CNTNAP2: variants seen among roughly 807,000 people sequenced by gnomAD.
CNTNAP2 encodes contactin associated protein 2.
A neutral mutation model predicts 155.2 loss-of-function variants in CNTNAP2; 98 were observed. The ratio of observed to expected loss-of-function variants is 0.63; its 90% CI spans 0.54 to 0.75. The LOEUF (loss-of-function observed/expected upper bound fraction) is 0.75. CNTNAP2 is among the 30% of genes least tolerant of loss of function. The pLI, the probability that CNTNAP2 is intolerant of heterozygous loss-of-function variation, is 0.00. For synonymous variants in CNTNAP2, 651 were observed against 631.2 expected, an observed-to-expected ratio of 1.03 and a Z score of -0.47; for missense variants, 1,727 against 1,688.1, an observed-to-expected ratio of 1.02 and a Z score of -0.40.
At chr7:146,213,494 T>G (rs1184191950) in intron 1 of CNTNAP2, among the ~76,000 whole-genome samples, 2 of 152,230 alleles carry the variant, frequency 1.3e-5, no homozygotes, top group Admixed American at 6.5e-5. Context: ...CAGATTCCTT[T>G]TAACTACTTT....
intron 3 of CNTNAP2, among the ~76,000 whole-genome samples, chr7:147,021,339 C>T (rs1321049834): frequency 1.3e-5 from 2 of 152,114 alleles, no homozygotes; most frequent in East Asian, 3.9e-4. Flanking sequence ...CTCAGCATCC[C>T]ACATACTCCC....
intron 22 of CNTNAP2, among the ~76,000 whole-genome samples, chr7:148,401,340 A>C (rs1207416862): frequency 6.6e-6 from 1 of 152,196 alleles, no homozygotes; most frequent in Non-Finnish European, 1.5e-5. Flanking sequence ...CCTTAACTGT[A>C]GAGAGGTTGT....
chr7:147,932,191 T>C (rs936324634), intron 14 of CNTNAP2, among the ~76,000 whole-genome samples: 2 of 152,118 alleles, frequency 1.3e-5, no homozygotes, highest in East Asian at 1.9e-4. Context: ...CGCCCCAGCA[T>C]TTTTTACAGA....
chr7:148,408,186 A>T (rs1799747855), intron 22 of CNTNAP2, among the ~76,000 whole-genome samples: 1 of 152,186 alleles, frequency 6.6e-6, no homozygotes, highest in African/African-American at 2.4e-5. Context: ...CAGCAGTTGC[A>T]GCAAGCCAAG....
chr7:146,484,800 A>G (rs1413991890), intron 1 of CNTNAP2, among the ~76,000 whole-genome samples: 1 of 152,168 alleles, frequency 6.6e-6, no homozygotes, highest in African/African-American at 2.4e-5. Context: ...ACCCCTTGCT[A>G]AAGATTCTTC....
chr7:147,769,512 A>C (rs767619477), intron 13 of CNTNAP2, among the ~76,000 whole-genome samples: 4 of 152,202 alleles, frequency 2.6e-5, no homozygotes, highest in Non-Finnish European at 4.4e-5. Flanking sequence ...AAAAGGTGTT[A>C]TTCACAATAG....
At chr7:147,598,886 G>A (rs1324938064) in intron 12 of CNTNAP2, among the ~76,000 whole-genome samples, 1 of 152,038 alleles carries the variant, frequency 6.6e-6, no homozygotes, top group Non-Finnish European at 1.5e-5. Context: ...GCTCCCTCCT[G>A]CCACCATGTG....
intron 1 of CNTNAP2, among the ~76,000 whole-genome samples, chr7:146,711,706 CA>C (rs1563198760): frequency 6.9e-6 from 1 of 145,604 alleles, no homozygotes; most frequent in African/African-American, 2.5e-5. Flanking sequence ...CTTATGTATA[CA>C]TATATAGTAT....
intron 4 of CNTNAP2, among the ~76,000 whole-genome samples, chr7:147,057,540 G>A (rs1032754863): frequency 3.6e-4 from 55 of 152,056 alleles, no homozygotes; most frequent in African/African-American, 1.2e-3. Context: ...ATAATTCTTG[G>A]CTTTGGAGGA....
chr7:146,371,095 A>G lies in CNTNAP2; in HGVS notation c.97+254122A>G, dbSNP rs181230170. ...ATTTTTTTCTCCTCTTCAATTTTCT[A>G]TATAGCTAATCATACCATAATTATC... On this transcript the variant is annotated intron_variant, in intron 1 of 23. Transcript: ENST00000361727. 1.9e-3 allele frequency among the ~76,000 whole-genome samples: 287 copies of G among 152,104 alleles called. 1 individual carries two copies. Among genetic ancestry groups the G allele is most frequent in the African/African-American group, 6.5e-3 (268 of 41,542 alleles).
chr7:147,157,815 C>G (rs923641582), intron 8 of CNTNAP2, among the ~76,000 whole-genome samples: 1 of 151,838 alleles, frequency 6.6e-6, no homozygotes, highest in Non-Finnish European at 1.5e-5. Context: ...TTTAGTCCAC[C>G]CAGATTCCAA....
chr7:147,871,357 C>T (rs1056695792), intron 13 of CNTNAP2, among the ~76,000 whole-genome samples: 3 of 152,192 alleles, frequency 2.0e-5, no homozygotes, highest in Admixed American at 2.0e-4. Flanking sequence ...TCCTCCATGG[C>T]CCCCTGCCCC....
At chr7:147,934,592 CA>C (rs923140779) in intron 14 of CNTNAP2, among the ~76,000 whole-genome samples, 11 of 152,044 alleles carry the variant, frequency 7.2e-5, no homozygotes, top group African/African-American at 2.4e-4. Flanking sequence ...AATAGACAAA[CA>C]AAAAACTAGA....
At chr7:147,172,663 TA>T (rs35305258) in intron 8 of CNTNAP2, among the ~76,000 whole-genome samples, 5 of 151,844 alleles carry the variant, frequency 3.3e-5, no homozygotes, top group East Asian at 1.9e-4. Context: ...TACCTACCTT[TA>T]AAAAAAAGCC....
At chr7:147,318,267 C>A (rs1795274209) in intron 9 of CNTNAP2, among the ~76,000 whole-genome samples, 1 of 152,054 alleles carries the variant, frequency 6.6e-6, no homozygotes. Context: ...TGTGGTGAAA[C>A]CCCATCTTTG....
intron 21 of CNTNAP2, chr7:148,339,331 T>C (rs996463225): frequency 5.3e-5 from 8 of 152,234 alleles, no homozygotes; most frequent in Non-Finnish European, 1.2e-4. Flanking sequence ...CAATTACGTT[T>C]TTTAAAACTC....
chr7:146,937,139 G>C (rs1796932237), intron 3 of CNTNAP2, among the ~76,000 whole-genome samples: 1 of 152,006 alleles, frequency 6.6e-6, no homozygotes, highest in Non-Finnish European at 1.5e-5. Flanking sequence ...TGTAATCTCA[G>C]CACTTTGGGA....
At chr7:146,817,397 G>C (rs565312456) in intron 2 of CNTNAP2, among the ~76,000 whole-genome samples, 1 of 152,066 alleles carries the variant, frequency 6.6e-6, no homozygotes, top group East Asian at 1.9e-4. Flanking sequence ...GCTTGAACCC[G>C]GGAGGCGGAA....
intron 1 of CNTNAP2, among the ~76,000 whole-genome samples, chr7:146,532,820 C>T (rs1797788783): frequency 6.6e-6 from 1 of 152,056 alleles, no homozygotes; most frequent in African/African-American, 2.4e-5. Flanking sequence ...CGTGGTGGAT[C>T]AGGCCTGTAA....
Sources: allele counts gnomAD v4.1 joint callset (sites outside exome capture counted in the v4.1 genomes callset), GRCh38; gene constraint gnomAD v4.1.1; transcripts MANE v1.5; gene names NCBI Gene and HGNC (gene_info 2026-07-23, HGNC 2026-07-21).